The following RBKS variants were observed in gnomAD, a reference collection of about 807,000 sequenced individuals.
The protein encoded by RBKS is ribokinase.
Under a neutral mutation model 33.9 loss-of-function variants are expected in RBKS, and 33 were observed. That is an observed-to-expected ratio of 0.97 (90% CI 0.74 to 1.30). The LOEUF (loss-of-function observed/expected upper bound fraction) is 1.30, where lower values mean the gene tolerates loss of function less well. Ranked by LOEUF, RBKS falls within the 50% of genes most tolerant of loss-of-function variation. The pLI is 0.00. For synonymous variants in RBKS, 125 were observed against 143.0 expected, an observed-to-expected ratio of 0.87 and a Z score of 0.90; for missense variants, 361 against 392.6, an observed-to-expected ratio of 0.92 and a Z score of 0.68.
chr2:27,879,076 A>G (rs1169067825), intron 1 of RBKS, among the ~76,000 whole-genome samples: 1 of 152,222 alleles, frequency 6.6e-6, no homozygotes, highest in Admixed American at 6.5e-5. Context: ...AAGCACATCC[A>G]TGATTTTGCT....
At chr2:27,792,062 G>A (rs1038072100) in intron 7 of RBKS, among the ~76,000 whole-genome samples, 6 of 152,212 alleles carry the variant, frequency 3.9e-5, no homozygotes, top group Non-Finnish European at 8.8e-5. Context: ...AACCTTGACA[G>A]TTACTTCCTG....
intron 1 of RBKS, among the ~76,000 whole-genome samples, chr2:27,865,286 C>T (rs1664074652): frequency 6.6e-6 from 1 of 152,198 alleles, no homozygotes; most frequent in African/African-American, 2.4e-5. Context: ...CGCCACTGAA[C>T]TGCAGCCTGG....
chr2:27,871,939 T>TA (rs752939350), intron 1 of RBKS, among the ~76,000 whole-genome samples: 29 of 152,248 alleles, frequency 1.9e-4, no homozygotes, highest in Non-Finnish European at 3.4e-4. Context: ...CATCAGGCGT[T>TA]AGATTCTCAA....
intron 7 of RBKS, among the ~76,000 whole-genome samples, chr2:27,783,908 G>GA (rs1201425886): frequency 2.2e-3 from 51 of 23,648 alleles, no homozygotes; most frequent in African/African-American, 4.8e-3. Flanking sequence ...CTCTGTCTCA[G>GA]AAAAAAAAAA....
intron 1 of RBKS, among the ~76,000 whole-genome samples, chr2:27,884,529 G>A (rs1202329113): frequency 6.6e-6 from 1 of 151,370 alleles, no homozygotes; most frequent in Admixed American, 6.6e-5. Context: ...ATAGGCTTGA[G>A]CCACCACTAT....
At chr2:27,803,286 T>C (rs557636233) in intron 7 of RBKS, among the ~76,000 whole-genome samples, 16 of 152,262 alleles carry the variant, frequency 1.1e-4, no homozygotes, top group Non-Finnish European at 2.2e-4. Context: ...CTTATCATTA[T>C]TGTGTAAGTG....
At chr2:27,884,374 G>A (rs146089244) in intron 1 of RBKS, among the ~76,000 whole-genome samples, 225 of 152,194 alleles carry the variant, frequency 1.5e-3, no homozygotes, top group African/African-American at 4.2e-3. Flanking sequence ...CAGCCCCCCA[G>A]TAGCTGGGAC....
chr2:27,790,830 A>G (rs1329682519), intron 7 of RBKS, among the ~76,000 whole-genome samples: 1 of 152,256 alleles, frequency 6.6e-6, no homozygotes, highest in Non-Finnish European at 1.5e-5. Flanking sequence ...GTGGGAATGC[A>G]AAATGATACA....
intron 6 of RBKS, 87 bp downstream of exon 6, chr2:27,832,599 T>C (rs1265709854): frequency 1.3e-5 from 11 of 824,164 alleles, no homozygotes; most frequent in Middle Eastern, 2.2e-4. Context: ...CGTCATCAAA[T>C]TGATGTGGTT....
At chr2:27,815,767 A>G (rs1343122671) in intron 7 of RBKS, among the ~76,000 whole-genome samples, 1 of 152,174 alleles carries the variant, frequency 6.6e-6, no homozygotes, top group Admixed American at 6.5e-5. Flanking sequence ...GTAGATGGGT[A>G]AGCAAGCTCC....
chr2:27,868,870 G>A (rs1207734290), intron 1 of RBKS, among the ~76,000 whole-genome samples: 1 of 152,124 alleles, frequency 6.6e-6, no homozygotes. Flanking sequence ...TCCTAATATA[G>A]TAAGTCCAAT....
At chr2:27,844,504 C>A (rs959081494) in intron 4 of RBKS, among the ~76,000 whole-genome samples, 2 of 152,020 alleles carry the variant, frequency 1.3e-5, no homozygotes, top group African/African-American at 4.8e-5. Context: ...TCAACTCTCC[C>A]ACCTAAGCCT....
intron 1 of RBKS, chr2:27,861,615 A>C (rs1388895724): frequency 1.9e-5 from 9 of 469,078 alleles, no homozygotes; most frequent in Non-Finnish European, 4.0e-5. Flanking sequence ...TACACGAGTG[A>C]AGAAAATAAT....
At chr2:27,875,010 A>G (rs1664284492) in intron 1 of RBKS, among the ~76,000 whole-genome samples, 1 of 152,230 alleles carries the variant, frequency 6.6e-6, no homozygotes, top group South Asian at 2.1e-4. Context: ...AGTGTCCAAC[A>G]GAAAAATGGA....
chr2:27,837,228 C>T lies in RBKS; in HGVS notation c.515-4451G>A, dbSNP rs372813318. Among the ~76,000 whole-genome samples the T allele has an allele frequency of 6.6e-5, 10 of 152,054 alleles. No homozygotes were observed. The South Asian group carries it at 1.7e-3, about 25-fold the overall frequency. On this transcript the variant is annotated intron_variant, in intron 5 of 7. Coordinates refer to ENST00000302188, the MANE Select transcript of RBKS (RefSeq NM_022128.3). This position sits in a 1 kb window ranked among gnomAD's most constrained non-coding sequence, Gnocchi z 4.0. ...GGTGGAGCTTGCAGTGAGCCGAGATCGTGCCACTGCACTCCAGCCTGGGCG... is the reference window on the plus strand; with the variant it reads ...GGTGGAGCTTGCAGTGAGCCGAGATTGTGCCACTGCACTCCAGCCTGGGCG...
chr2:27,806,884 T>G (rs1677907614), intron 7 of RBKS, among the ~76,000 whole-genome samples: 1 of 152,174 alleles, frequency 6.6e-6, no homozygotes, highest in Non-Finnish European at 1.5e-5. Flanking sequence ...GGGATTTGTG[T>G]TTCAAATGAC....
chr2:27,836,610 C>T (rs1678524637), intron 5 of RBKS, among the ~76,000 whole-genome samples: 1 of 152,114 alleles, frequency 6.6e-6, no homozygotes, highest in South Asian at 2.1e-4. Context: ...GGCTAAGTCC[C>T]CCAAAGCAAC....
intron 7 of RBKS, among the ~76,000 whole-genome samples, chr2:27,822,855 C>T (rs1678238203): frequency 1.3e-5 from 2 of 152,188 alleles, no homozygotes; most frequent in Admixed American, 1.3e-4. Context: ...GTGAGTGATT[C>T]TTGAGAAGAC....
chr2:27,877,364 A>G (rs747467727), intron 1 of RBKS, among the ~76,000 whole-genome samples: 10 of 151,654 alleles, frequency 6.6e-5, no homozygotes, highest in Admixed American at 6.6e-4. Flanking sequence ...TTTTATGTTT[A>G]TATCTTCTGT....
Sources: gnomAD v4.1 joint callset for allele counts (sites outside exome capture counted in the v4.1 genomes callset) on GRCh38, gnomAD v4.1.1 for gene constraint, Gnocchi (gnomAD v3.1) non-coding constraint, MANE v1.5 for transcripts, NCBI Gene and HGNC (gene_info 2026-07-23, HGNC 2026-07-21) for gene names.